The following LRRTM4 variants were observed in gnomAD, a reference collection of about 807,000 sequenced individuals.
LRRTM4 encodes leucine rich repeat transmembrane neuronal 4, also known as leucine-rich repeat transmembrane neuronal protein 4.
A neutral mutation model predicts 47.6 loss-of-function variants in LRRTM4; 25 were observed. The observed-to-expected ratio is 0.53, with a 90% CI of 0.38 to 0.73. The LOEUF is 0.73. Ranked by LOEUF, LRRTM4 falls within the 30% of genes least tolerant of loss-of-function variation. LRRTM4 has a pLI of 0.00. For missense variants in LRRTM4, 638 were observed against 713.4 expected, an observed-to-expected ratio of 0.89 and a Z score of 1.20; for synonymous variants, 311 against 269.5, an observed-to-expected ratio of 1.15 and a Z score of -1.51.
At chr2:77,136,876 G>A (rs1671961130) in intron 3 of LRRTM4, among the ~76,000 whole-genome samples, 1 of 151,930 alleles carries the variant, frequency 6.6e-6, no homozygotes, top group Non-Finnish European at 1.5e-5. Flanking sequence ...AAGGGTATGA[G>A]TGATTGAAGA....
intron 3 of LRRTM4, among the ~76,000 whole-genome samples, chr2:77,342,988 T>C (rs1671430329): frequency 6.6e-6 from 1 of 151,972 alleles, no homozygotes. Context: ...CAAAAGACTG[T>C]GATAAAGTGG....
chr2:76,833,882 T>C (rs1000206316), intron 3 of LRRTM4, among the ~76,000 whole-genome samples: 7 of 151,858 alleles, frequency 4.6e-5, no homozygotes, highest in African/African-American at 1.7e-4. Context: ...AATTTATGTA[T>C]TTTCTATCTT....
At chr2:77,117,412 C>A (rs1456476308) in intron 3 of LRRTM4, among the ~76,000 whole-genome samples, 1 of 151,670 alleles carries the variant, frequency 6.6e-6, no homozygotes, top group Non-Finnish European at 1.5e-5. Flanking sequence ...TCTATTTTTA[C>A]TTATAAAAAT....
intron 3 of LRRTM4, among the ~76,000 whole-genome samples, chr2:77,079,604 C>T (rs1343231085): frequency 6.6e-6 from 1 of 152,008 alleles, no homozygotes; most frequent in Non-Finnish European, 1.5e-5. Flanking sequence ...TCCATTTGGC[C>T]CAATGAAACC....
At chr2:77,118,102 CACTG>C (rs1201838816) in intron 3 of LRRTM4, among the ~76,000 whole-genome samples, 1 of 151,890 alleles carries the variant, frequency 6.6e-6, no homozygotes, top group African/African-American at 2.4e-5. Flanking sequence ...CTCTTCATCA[CACTG>C]ACTTCATTTA....
chr2:76,807,408 GTATATA>G (rs1217096293), intron 3 of LRRTM4, among the ~76,000 whole-genome samples: 5 of 40,304 alleles, frequency 1.2e-4, no homozygotes, highest in Non-Finnish European at 1.4e-4. Flanking sequence ...ATGTATATAC[GTATATA>G]TATATATATA....
Position 77,519,347 on chromosome 2 carries a change from T to G in LRRTM4, c.522A>C (p.Ile174=). ...GATTCCGACAGTCTTGAAAAACTCT[T>G]ATGGGCACAGTCTTTAGTGAGTTAG... ...LRSNSLKTVP[I]RVFQDCRNLD... is the part of the protein sequence containing the mutation. The change falls in exon 3 of 4, where the codon ATA becomes ATC. Residue 174 remains isoleucine, a synonymous_variant. Coordinates refer to ENST00000409884, the MANE Select transcript of LRRTM4 (RefSeq NM_001134745.3). This position sits in a 1 kb window ranked among gnomAD's most constrained non-coding sequence, Gnocchi z 4.6. 1 of 1,613,448 alleles carries G rather than the reference T, an allele frequency of 6.2e-7. No homozygotes were observed. Among genetic ancestry groups the G allele is most frequent in the South Asian group, 1.1e-5 (1 of 91,074 alleles).
Position 77,049,123 on chromosome 2 carries a change from T to TATATATATATACATATATATATATATAC in LRRTM4, c.1552-300208_1552-300207insGTATATATATATATATGTATATATATAT, listed in dbSNP as rs1679335023. ...TTTGACTAAATAATATTTCATTTTTTATATATATATATATATATATATATA... is the reference window on the plus strand; with the variant it reads ...TTTGACTAAATAATATTTCATTTTTTATATATATATACATATATATATATATACATATATATATATATATATATATATA... On this transcript the variant is annotated intron_variant, in intron 3 of 3. Coordinates refer to ENST00000409884, the MANE Select transcript of LRRTM4 (RefSeq NM_001134745.3). 7.4e-5 allele frequency among the ~76,000 whole-genome samples: 3 copies of TATATATATATACATATATATATATATAC among 40,708 alleles called. 1 individual carries two copies. In the Admixed American group the frequency reaches 9.6e-4, roughly 13 times the overall value. The allele number at this position is 40,708 out of a possible 152,430, so 26.7% of individuals were successfully genotyped here.
At chr2:76,822,367 TAAAAG>T (rs932125828) in intron 3 of LRRTM4, among the ~76,000 whole-genome samples, 2 of 150,690 alleles carry the variant, frequency 1.3e-5, no homozygotes, top group African/African-American at 2.4e-5. Context: ...GAAATAAACA[TAAAAG>T]AAAATCCAAC....
chr2:76,781,754 C>G (rs897473909), intron 3 of LRRTM4, among the ~76,000 whole-genome samples: 6 of 152,186 alleles, frequency 3.9e-5, no homozygotes, highest in African/African-American at 1.4e-4. Flanking sequence ...GGAGCTGTTC[C>G]TATTCTCATT....
At chr2:77,277,090 A>G (rs1676381651) in intron 3 of LRRTM4, among the ~76,000 whole-genome samples, 3 of 151,976 alleles carry the variant, frequency 2.0e-5, no homozygotes, top group Admixed American at 2.0e-4. Context: ...ATGTCAGGGC[A>G]GAGGGAACAA....
intron 3 of LRRTM4, among the ~76,000 whole-genome samples, chr2:77,135,256 C>T (rs577173807): frequency 6.6e-6 from 1 of 152,206 alleles, no homozygotes; most frequent in Non-Finnish European, 1.5e-5. Flanking sequence ...GGGTTCTCTG[C>T]ATGCGGCAGA....
At chr2:77,267,971 C>T (rs1676093096) in intron 3 of LRRTM4, among the ~76,000 whole-genome samples, 2 of 152,116 alleles carry the variant, frequency 1.3e-5, no homozygotes, top group Admixed American at 1.3e-4. Context: ...ACATCTCTGG[C>T]TATTGACTGT....
chr2:76,837,421 G>T (rs1424267555), intron 3 of LRRTM4, among the ~76,000 whole-genome samples: 1 of 151,862 alleles, frequency 6.6e-6, no homozygotes, highest in African/African-American at 2.4e-5. Context: ...CCTTCTGCTA[G>T]CTTTTGAATG....
At chr2:77,003,090 G>C (rs1341615714) in intron 3 of LRRTM4, among the ~76,000 whole-genome samples, 1 of 151,836 alleles carries the variant, frequency 6.6e-6, no homozygotes, top group Non-Finnish European at 1.5e-5. Context: ...TTTTTTATGT[G>C]TAGTTTTTAC....
intron 3 of LRRTM4, among the ~76,000 whole-genome samples, chr2:76,841,483 C>A (rs1671681517): frequency 6.6e-6 from 1 of 151,900 alleles, no homozygotes; most frequent in Non-Finnish European, 1.5e-5. Context: ...GAACATGTCA[C>A]TTTCAATTTA....
chr2:77,382,328 T>C (rs1015434120), intron 3 of LRRTM4, among the ~76,000 whole-genome samples: 8 of 152,120 alleles, frequency 5.3e-5, no homozygotes, highest in African/African-American at 1.7e-4. Context: ...CTTTTAACCA[T>C]ATAATTTCTC....
chr2:76,794,725 C>T (rs962760163), intron 3 of LRRTM4, among the ~76,000 whole-genome samples: 3 of 151,740 alleles, frequency 2.0e-5, no homozygotes, highest in Admixed American at 6.6e-5. Flanking sequence ...CTGGCTAATT[C>T]TTTGCTATGG....
At chr2:77,288,702 T>C (rs1676731652) in intron 3 of LRRTM4, among the ~76,000 whole-genome samples, 1 of 152,098 alleles carries the variant, frequency 6.6e-6, no homozygotes, top group South Asian at 2.1e-4. Context: ...ATCTAATCTT[T>C]AGAAGAAACT....
Sources: gnomAD v4.1 joint callset for allele counts (sites outside exome capture counted in the v4.1 genomes callset) on GRCh38, gnomAD v4.1.1 for gene constraint, Gnocchi (gnomAD v3.1) non-coding constraint, MANE v1.5 for transcripts, NCBI Gene and HGNC (gene_info 2026-07-23, HGNC 2026-07-21) for gene names.